EYS: variants seen among roughly 807,000 people sequenced by gnomAD.
EYS encodes the protein EGF-like photoreceptor maintenance factor.
In EYS, 250 loss-of-function variants were observed where a neutral mutation model predicts 282.1. That is an observed-to-expected ratio of 0.89 (90% confidence interval 0.80 to 0.98). The LOEUF (loss-of-function observed/expected upper bound fraction) is 0.98. Ranked by LOEUF, EYS falls within the 50% of genes least tolerant of loss-of-function variation. The pLI is 0.00. For synonymous variants in EYS, 1,355 were observed against 1,282.9 expected (o/e 1.06, Z -1.20); for missense variants, 4,016 against 3,709.0 (o/e 1.08, Z -2.15).
chr6:65,007,631 C>T lies in EYS; in HGVS notation c.2138-9928G>A, dbSNP rs545520104. The stretch of plus-strand genomic sequence containing the variant: ...GTCTACCTCCCTACCCCAGTGTCCC[C>T]CTAACTCTTTCCCCAATGAATAAGG... On this transcript the variant is annotated intron_variant, in intron 13 of 42. Coordinates refer to ENST00000503581, the MANE Select transcript of EYS (RefSeq NM_001142800.2). 1.1e-4 allele frequency among the ~76,000 whole-genome samples: 17 copies of T among 152,206 alleles called. No individual in the cohort carries two copies. In the South Asian group the frequency reaches 3.5e-3, roughly 32 times the overall value.
chr6:64,535,107 C>T (rs530442296), intron 26 of EYS, among the ~76,000 whole-genome samples: 2 of 152,272 alleles, frequency 1.3e-5, no homozygotes, highest in Admixed American at 6.5e-5. Context: ...ATCTTGCCTT[C>T]CCAACCTTTA....
intron 26 of EYS, among the ~76,000 whole-genome samples, chr6:64,470,118 T>G (rs1000570198): frequency 5.3e-5 from 8 of 152,022 alleles, no homozygotes; most frequent in African/African-American, 1.9e-4. Flanking sequence ...CAGCGCAGCC[T>G]GGCATTCAGG....
intron 34 of EYS, among the ~76,000 whole-genome samples, chr6:63,990,630 T>G (rs1274218276): frequency 6.6e-6 from 1 of 151,656 alleles, no homozygotes; most frequent in African/African-American, 2.4e-5. Flanking sequence ...TCTCTTGTCC[T>G]GGCTTGGCAT....
chr6:64,984,742 A>G (rs1156485666), intron 14 of EYS, among the ~76,000 whole-genome samples: 1 of 151,396 alleles, frequency 6.6e-6, no homozygotes, highest in Non-Finnish European at 1.5e-5. Flanking sequence ...CAGTGCAGCC[A>G]GGGACATATC....
In EYS at chr6:65,443,194, T is replaced by A. The variant is rs141418590; in HGVS notation, c.863-37827A>T. 5.5e-4 allele frequency among the ~76,000 whole-genome samples: 83 copies of A among 151,950 alleles called. 8 individuals carry two copies. Among genetic ancestry groups the A allele is most frequent in the Non-Finnish European group, 4.4e-5 (3 of 67,850 alleles). On this transcript the variant is annotated intron_variant, in intron 5 of 42. Coordinates refer to ENST00000503581, the MANE Select transcript of EYS (RefSeq NM_001142800.2). ...CATATGTGCACATCATATACATATG[T>A]GCGCACATATATGTATGCATCATAT...
chr6:64,001,778 T>C (rs78250934), intron 33 of EYS, among the ~76,000 whole-genome samples: 2 of 152,344 alleles, frequency 1.3e-5, no homozygotes, highest in African/African-American at 4.8e-5. Flanking sequence ...CATTACATAA[T>C]ATAATTTTAA....
At chr6:63,808,507 G>C (rs1354147687) in intron 36 of EYS, among the ~76,000 whole-genome samples, 1 of 152,146 alleles carries the variant, frequency 6.6e-6, no homozygotes, top group Non-Finnish European at 1.5e-5. Flanking sequence ...ATGAAAATAA[G>C]AACTTTGATA....
chr6:64,135,795 T>G (rs1031219557), intron 31 of EYS, among the ~76,000 whole-genome samples: 18 of 152,242 alleles, frequency 1.2e-4, no homozygotes, highest in Middle Eastern at 6.8e-3. Context: ...CAAAAAATGC[T>G]CATGATCATC....
intron 35 of EYS, among the ~76,000 whole-genome samples, chr6:63,959,672 C>T (rs1765970563): frequency 6.6e-6 from 1 of 152,164 alleles, no homozygotes. Flanking sequence ...CCATGGAATA[C>T]TATGCAGCCA....
chr6:63,925,417 C>A (rs569425330), intron 35 of EYS, among the ~76,000 whole-genome samples: 1 of 152,276 alleles, frequency 6.6e-6, no homozygotes, highest in East Asian at 1.9e-4. Context: ...GAAAATTCAA[C>A]AATTTGAACT....
chr6:65,627,237 T>C (rs575268674), intron 2 of EYS, among the ~76,000 whole-genome samples: 1 of 152,286 alleles, frequency 6.6e-6, no homozygotes, highest in South Asian at 2.1e-4. Flanking sequence ...AAACTGTCAC[T>C]TGTGATACCA....
intron 5 of EYS, among the ~76,000 whole-genome samples, chr6:65,448,283 T>C (rs1026378814): frequency 3.3e-5 from 5 of 152,054 alleles, no homozygotes; most frequent in Admixed American, 2.0e-4. Flanking sequence ...ACTGAGGAAT[T>C]TGGACAATAT....
intron 28 of EYS, among the ~76,000 whole-genome samples, chr6:64,423,248 T>C (rs1010673668): frequency 6.6e-6 from 1 of 152,218 alleles, no homozygotes; most frequent in Admixed American, 6.5e-5. Flanking sequence ...GTCAATTCAA[T>C]TGTATAACCA....
chr6:65,539,524 C>T (rs1582431429), intron 2 of EYS, among the ~76,000 whole-genome samples: 2 of 152,120 alleles, frequency 1.3e-5, no homozygotes, highest in East Asian at 1.9e-4. Context: ...TAATGAATCA[C>T]ATTTGCAAAT....
intron 29 of EYS, among the ~76,000 whole-genome samples, chr6:64,322,895 A>G (rs1770268737): frequency 6.6e-6 from 1 of 152,020 alleles, no homozygotes; most frequent in Non-Finnish European, 1.5e-5. Flanking sequence ...GTTTCTCTCC[A>G]GTTTACTCTC....
intron 26 of EYS, among the ~76,000 whole-genome samples, chr6:64,448,243 G>A (rs554841034): frequency 2.6e-5 from 4 of 152,324 alleles, no homozygotes; most frequent in South Asian, 2.1e-4. Context: ...CTATGCCCAC[G>A]GAGCCTTGCT....
chr6:64,559,651 T>C (rs903916044), intron 26 of EYS, among the ~76,000 whole-genome samples: 1 of 152,132 alleles, frequency 6.6e-6, no homozygotes, highest in African/African-American at 2.4e-5. Context: ...ATTTCAACAG[T>C]AATATTGATT....
intron 40 of EYS, among the ~76,000 whole-genome samples, chr6:63,768,579 G>A (rs1323757922): frequency 6.6e-6 from 1 of 152,040 alleles, no homozygotes; most frequent in Non-Finnish European, 1.5e-5. Flanking sequence ...AAAAATGACA[G>A]CCATTGGTGA....
intron 32 of EYS, among the ~76,000 whole-genome samples, chr6:64,081,404 A>G (rs916124410): frequency 4.2e-5 from 6 of 142,478 alleles, no homozygotes; most frequent in Non-Finnish European, 8.8e-5. Flanking sequence ...ATACTACTTA[A>G]AAAAAAACCA....
Sources: gnomAD v4.1 joint callset for allele counts (sites outside exome capture counted in the v4.1 genomes callset) on GRCh38, gnomAD v4.1.1 for gene constraint, MANE v1.5 for transcripts, NCBI Gene and HGNC (gene_info 2026-07-23, HGNC 2026-07-21) for gene names.